Variants in ERCC6 observed in about 807,000 individuals in gnomAD.
ERCC6 encodes the protein ERCC excision repair 6, chromatin remodeling factor, also known as DNA excision repair protein ERCC-6.
ERCC6 carries 116 observed loss-of-function variants against 158.7 expected under a neutral mutation model. The ratio of observed to expected loss-of-function variants is 0.73; its 90% CI spans 0.63 to 0.85. ERCC6 has a LOEUF of 0.85. Among genes scored for constraint, ERCC6 ranks in the 40% least tolerant of loss-of-function variants. The pLI is 0.00. For synonymous variants in ERCC6, 678 were observed against 659.3 expected, an observed-to-expected ratio of 1.03 and a Z score of -0.43; for missense variants, 1,698 against 1,799.4, an observed-to-expected ratio of 0.94 and a Z score of 1.02.
chr10:49,507,193 T>TCTGATAAACTCTTGC (rs1265827059), intron 5 of ERCC6, among the ~76,000 whole-genome samples: 1 of 152,150 alleles, frequency 6.6e-6, no homozygotes, highest in African/African-American at 2.4e-5. Flanking sequence ...AAGCACATCC[T>TCTGATAAACTCTTGC]CTGATAAACT....
intron 5 of ERCC6, among the ~76,000 whole-genome samples, chr10:49,508,113 A>G (rs1590444029): frequency 6.6e-6 from 1 of 152,212 alleles, no homozygotes; most frequent in African/African-American, 2.4e-5. Context: ...ACTTGTATTT[A>G]GCAAACTTGT....
intron 5 of ERCC6, chr10:49,515,877 C>T: frequency 6.2e-7 from 1 of 1,614,162 alleles, no homozygotes; most frequent in Non-Finnish European, 8.5e-7. Context: ...GTTATCATTC[C>T]ATCTGCAGAC....
At chr10:49,477,723 T>C (rs1850904140) in intron 11 of ERCC6, among the ~76,000 whole-genome samples, 1 of 152,200 alleles carries the variant, frequency 6.6e-6, no homozygotes, top group South Asian at 2.1e-4. Context: ...CTGCTGTCTA[T>C]GAAGGCCCCA....
chr10:49,470,709 G>C lies in ERCC6; in HGVS notation c.3251C>G (p.Thr1084Ser), dbSNP rs1463271489. 1 of 1,613,980 alleles carries C rather than the reference G, an allele frequency of 6.2e-7. No individual in the cohort carries two copies. The highest frequency in any genetic ancestry group is 8.5e-7 in the Non-Finnish European group (1 of 1,180,046). The change falls in exon 18 of 21, where the codon ACT (threonine) becomes AGT (serine). Residue 1084 changes from threonine (T) to serine (S), a missense_variant. Coordinates refer to ENST00000355832, the MANE Select transcript of ERCC6 (RefSeq NM_000124.4). ...TTTCAAAGGATCACTTCGATTAGAA[G>C]TTACTGCATTTACTTCAGCTCCTTT... is the stretch of plus-strand genomic sequence containing the variant. ...EAKGAEVNAV[T>S]SNRSDPLKDD...
chr10:49,492,116 C>A (rs1851182725), intron 8 of ERCC6, among the ~76,000 whole-genome samples: 1 of 152,180 alleles, frequency 6.6e-6, no homozygotes, highest in South Asian at 2.1e-4. Flanking sequence ...AATTCCATCT[C>A]GCCTTATTTG....
intron 1 of ERCC6, among the ~76,000 whole-genome samples, chr10:49,535,572 T>C (rs1837577146): frequency 6.6e-6 from 1 of 152,236 alleles, no homozygotes; most frequent in Admixed American, 6.5e-5. Context: ...AATTCTGTTT[T>C]CATTTTTCTT....
intron 10 of ERCC6, among the ~76,000 whole-genome samples, chr10:49,480,881 T>C (rs1850966456): frequency 6.6e-6 from 1 of 152,190 alleles, no homozygotes; most frequent in Non-Finnish European, 1.5e-5. Context: ...CTATAGTCTT[T>C]AAAAATGTCA....
chr10:49,469,268 C>G (rs148107759), intron 18 of ERCC6, among the ~76,000 whole-genome samples: 2 of 152,152 alleles, frequency 1.3e-5, no homozygotes, highest in Admixed American at 1.3e-4. Context: ...CAGACTCCAC[C>G]TTAACCAAGT....
At chr10:49,493,655 T>C (rs1043858049) in intron 7 of ERCC6, among the ~76,000 whole-genome samples, 1 of 152,204 alleles carries the variant, frequency 6.6e-6, no homozygotes, top group Non-Finnish European at 1.5e-5. Flanking sequence ...AGTTTTATAG[T>C]CTACCAAGAG....
intron 5 of ERCC6, among the ~76,000 whole-genome samples, chr10:49,513,111 C>G (rs1368830350): frequency 6.6e-6 from 1 of 152,152 alleles, no homozygotes; most frequent in Non-Finnish European, 1.5e-5. Context: ...TACGGAGTGC[C>G]TGATGTATGC....
intron 7 of ERCC6, 58 bp downstream of exon 7, chr10:49,500,480 C>G (rs534541140): frequency 6.5e-7 from 1 of 1,550,238 alleles, no homozygotes; most frequent in Admixed American, 1.7e-5. Context: ...CACAGCAATA[C>G]ATCTGATGAA....
chr10:49,495,690 A>G (rs1476286307), intron 7 of ERCC6, among the ~76,000 whole-genome samples: 1 of 152,110 alleles, frequency 6.6e-6, no homozygotes, highest in Non-Finnish European at 1.5e-5. Flanking sequence ...CCAGGTGCCC[A>G]AATCAGAAAC....
the ERCC6 span, among the ~76,000 whole-genome samples, chr10:49,441,709 C>G: frequency 6.6e-6 from 1 of 152,156 alleles, no homozygotes; most frequent in African/African-American, 2.4e-5. Flanking sequence ...AGCCAGGGAG[C>G]TCGGGTGGGC....
downstream of ERCC6, among the ~76,000 whole-genome samples, chr10:49,452,426 C>T: frequency 6.6e-6 from 1 of 151,968 alleles, no homozygotes. Flanking sequence ...CTAATTTAAT[C>T]CTGTGATTAT....
chr10:49,491,028 C>T (rs1175739802), intron 8 of ERCC6, among the ~76,000 whole-genome samples: 1 of 151,978 alleles, frequency 6.6e-6, no homozygotes, highest in Non-Finnish European at 1.5e-5. Flanking sequence ...AGCAGGTATG[C>T]ATGTGTGGTG....
chr10:49,476,374 T>C, intron 11 of ERCC6, 64 bp from the exon 12 acceptor site: 1 of 1,128,698 alleles, frequency 8.9e-7, no homozygotes, highest in South Asian at 1.3e-5. Context: ...ATAATTAAAA[T>C]ATCAACAAAA....
chr10:49,516,705 G>A (rs1196278138), intron 5 of ERCC6: 3 of 1,614,016 alleles, frequency 1.9e-6, no homozygotes, highest in Non-Finnish European at 2.5e-6. Context: ...TCTCATTACG[G>A]TGAAGAAATC....
intron 12 of ERCC6, among the ~76,000 whole-genome samples, chr10:49,474,549 T>C (rs1850841162): frequency 1.3e-5 from 2 of 152,332 alleles, no homozygotes; most frequent in South Asian, 4.1e-4. Context: ...GTTCACGGTA[T>C]TATAAACCTA....
At chr10:49,437,302 T>G in the ERCC6 span, among the ~76,000 whole-genome samples, 2 of 152,182 alleles carry the variant, frequency 1.3e-5, no homozygotes, top group Admixed American at 6.5e-5. Context: ...ATCAGCAGCA[T>G]GAAAACGGAC....
Sources: allele counts gnomAD v4.1 joint callset (sites outside exome capture counted in the v4.1 genomes callset), GRCh38; gene constraint gnomAD v4.1.1; transcripts MANE v1.5; gene names NCBI Gene and HGNC (gene_info 2026-07-23, HGNC 2026-07-21).